The following TACR3 variants were observed in gnomAD, a reference collection of about 807,000 sequenced individuals.
The protein encoded by TACR3 is tachykinin receptor 3.
A neutral mutation model predicts 35.0 loss-of-function variants in TACR3; 34 were observed. The observed-to-expected ratio is 0.97, with a 90% CI of 0.74 to 1.30. The LOEUF is 1.30. Ranked by LOEUF, TACR3 falls within the 50% of genes most tolerant of loss-of-function variation. The probability of loss-of-function intolerance (pLI) is 0.00; values close to 1 mark genes in which losing one functional copy is unlikely to be tolerated. For synonymous variants in TACR3, 233 were observed against 221.1 expected (o/e 1.05, Z -0.48); for missense variants, 558 against 591.7 (o/e 0.94, Z 0.59).
intron 1 of TACR3, among the ~76,000 whole-genome samples, chr4:103,675,098 C>T (rs1180720927): frequency 1.3e-5 from 2 of 152,042 alleles, no homozygotes; most frequent in Non-Finnish European, 2.9e-5. Context: ...AAGAGTTATT[C>T]TAAAATCCTC....
chr4:103,633,651 A>G (rs1725117648), intron 3 of TACR3, among the ~76,000 whole-genome samples: 1 of 152,072 alleles, frequency 6.6e-6, no homozygotes, highest in African/African-American at 2.4e-5. Flanking sequence ...ATCAGTGAGA[A>G]CATAAAATGT....
chr4:103,649,742 T>C (rs753554027), intron 3 of TACR3, among the ~76,000 whole-genome samples: 2 of 152,154 alleles, frequency 1.3e-5, no homozygotes, highest in Non-Finnish European at 2.9e-5. Context: ...TCTGAATTCC[T>C]TGTGTTCTCT....
chr4:103,621,811 T>G (rs968730139), intron 3 of TACR3, among the ~76,000 whole-genome samples: 1 of 152,212 alleles, frequency 6.6e-6, no homozygotes, highest in African/African-American at 2.4e-5. Flanking sequence ...AGGTGGTTAA[T>G]AAAATTTTAA....
At chr4:103,650,839 T>C (rs376344591) in intron 3 of TACR3, among the ~76,000 whole-genome samples, 3 of 24,240 alleles carry the variant, frequency 1.2e-4, no homozygotes, top group South Asian at 2.0e-3. Flanking sequence ...ATATATATCT[T>C]ATATATAATA....
intron 3 of TACR3, among the ~76,000 whole-genome samples, chr4:103,600,329 A>G (rs972598355): frequency 6.6e-6 from 1 of 151,994 alleles, no homozygotes. Flanking sequence ...TATTGGGTCT[A>G]TTTGATTCTT....
intron 3 of TACR3, among the ~76,000 whole-genome samples, chr4:103,646,493 C>A (rs1725457517): frequency 6.6e-6 from 1 of 151,962 alleles, no homozygotes; most frequent in Admixed American, 6.6e-5. Flanking sequence ...TATGTCCAAT[C>A]ATACAGCTGT....
intron 1 of TACR3, among the ~76,000 whole-genome samples, chr4:103,692,735 G>C (rs943058764): frequency 6.6e-6 from 1 of 152,096 alleles, no homozygotes; most frequent in African/African-American, 2.4e-5. Context: ...AAAATACTGT[G>C]TCATTAGATA....
intron 2 of TACR3, 55 bp downstream of exon 2, chr4:103,658,160 G>T (rs1046885886): frequency 2.8e-5 from 43 of 1,555,232 alleles, no homozygotes; most frequent in Non-Finnish European, 3.7e-5. Context: ...CTAATCTGTA[G>T]TTTCCTAAAT....
chr4:103,647,566 T>A (rs1004185353), intron 3 of TACR3, among the ~76,000 whole-genome samples: 3 of 151,942 alleles, frequency 2.0e-5, no homozygotes, highest in African/African-American at 7.2e-5. Context: ...AGTAACCAAT[T>A]ATCATTGAAA....
At chr4:103,698,475 AGAGT>A (rs1438068815) in intron 1 of TACR3, among the ~76,000 whole-genome samples, 1 of 152,096 alleles carries the variant, frequency 6.6e-6, no homozygotes, top group Non-Finnish European at 1.5e-5. Context: ...GAGATTATAT[AGAGT>A]ATTTATATGA....
At chr4:103,607,208 C>A (rs189001619) in intron 3 of TACR3, among the ~76,000 whole-genome samples, 1 of 151,998 alleles carries the variant, frequency 6.6e-6, no homozygotes, top group African/African-American at 2.4e-5. Context: ...AACAGATATG[C>A]GGTATTGTTA....
chr4:103,648,542 C>A (rs1201727580), intron 3 of TACR3, among the ~76,000 whole-genome samples: 2 of 151,998 alleles, frequency 1.3e-5, no homozygotes, highest in Non-Finnish European at 2.9e-5. Flanking sequence ...ATACAAACTT[C>A]ATCTTTCTGT....
chr4:103,599,094 T>C (rs1486169179), intron 3 of TACR3, among the ~76,000 whole-genome samples: 5 of 152,228 alleles, frequency 3.3e-5, no homozygotes, highest in Non-Finnish European at 5.9e-5. Flanking sequence ...GAACATGGAA[T>C]GTTCTTCCAT....
At chr4:103,625,283 C>T (rs1232627205) in intron 3 of TACR3, among the ~76,000 whole-genome samples, 1 of 151,928 alleles carries the variant, frequency 6.6e-6, no homozygotes, top group African/African-American at 2.4e-5. Flanking sequence ...GACTATGAGA[C>T]ATTTACAGAG....
chr4:103,589,827 GCATCGT>G lies in TACR3; in HGVS notation c.1247_1252del (p.Asn416_Ala418delinsThr), dbSNP rs770293007. 13 of 1,613,840 alleles carry G rather than the reference GCATCGT, an allele frequency of 8.1e-6. No individual in the cohort carries two copies. The highest frequency in any genetic ancestry group is 1.1e-5 in the Non-Finnish European group (13 of 1,179,882). Reference sequence around the variant, plus strand: ...CTTCCGACTGGACCTGGTGGTGTCTGCATCGTTGGGGTCAAACACGACTGTCATGGA... The same window carrying G: ...CTTCCGACTGGACCTGGTGGTGTCTGTGGGGTCAAACACGACTGTCATGGA... On this transcript the variant is annotated inframe_deletion, in exon 5 of 5. Coordinates refer to ENST00000304883, the MANE Select transcript of TACR3 (RefSeq NM_001059.3).
At chr4:103,652,088 CCCCACTG>C in intron 3 of TACR3, among the ~76,000 whole-genome samples, 1 of 152,082 alleles carries the variant, frequency 6.6e-6, no homozygotes, top group East Asian at 1.9e-4. Context: ...CCTTAGTCAG[CCCCACTG>C]ATGTCTCAGT....
intron 1 of TACR3, among the ~76,000 whole-genome samples, chr4:103,686,614 T>C (rs1722247756): frequency 6.6e-6 from 1 of 152,188 alleles, no homozygotes; most frequent in African/African-American, 2.4e-5. Context: ...GTCTGATTTT[T>C]GATAGAAAAT....
chr4:103,632,876 AG>A (rs1395504327), intron 3 of TACR3, among the ~76,000 whole-genome samples: 1 of 152,078 alleles, frequency 6.6e-6, no homozygotes, highest in Non-Finnish European at 1.5e-5. Flanking sequence ...TCATAATCAA[AG>A]GGGGCAAGAT....
intron 1 of TACR3, among the ~76,000 whole-genome samples, chr4:103,695,730 T>C (rs1364296604): frequency 2.0e-5 from 3 of 151,842 alleles, no homozygotes; most frequent in African/African-American, 7.3e-5. Context: ...TGTGTGTGTG[T>C]GTGTGTGTGT....
Sources: allele counts gnomAD v4.1 joint callset (sites outside exome capture counted in the v4.1 genomes callset), GRCh38; gene constraint gnomAD v4.1.1; transcripts MANE v1.5; gene names NCBI Gene and HGNC (gene_info 2026-07-23, HGNC 2026-07-21).